Variants in PLCL1 observed in about 807,000 individuals in gnomAD.
PLCL1 encodes the protein inactive phospholipase C-like protein 1.
In PLCL1, 41 loss-of-function variants were observed where a neutral mutation model predicts 84.4. The observed-to-expected ratio is 0.49, with a 90% CI of 0.38 to 0.63. PLCL1 has a LOEUF of 0.63. Ranked by LOEUF, PLCL1 falls within the 30% of genes least tolerant of loss-of-function variation. The pLI is 0.00. For missense variants in PLCL1, 1,206 were observed against 1,367.8 expected, an observed-to-expected ratio of 0.88 and a Z score of 1.87; for synonymous variants, 490 against 488.3, an observed-to-expected ratio of 1.00 and a Z score of -0.05.
At chr2:197,989,694 ACT>A (rs1241255056) in intron 1 of PLCL1, among the ~76,000 whole-genome samples, 1 of 152,080 alleles carries the variant, frequency 6.6e-6, no homozygotes, top group African/African-American at 2.4e-5. Context: ...ACAGAGTGAG[ACT>A]CTGTCTCAAA....
chr2:197,835,998 T>C (rs1407814730), intron 1 of PLCL1, among the ~76,000 whole-genome samples: 4 of 152,090 alleles, frequency 2.6e-5, no homozygotes, highest in Non-Finnish European at 5.9e-5. Flanking sequence ...CCTTGGAGAG[T>C]AGAAATCACA....
At chr2:197,958,776 G>A (rs2105787730) in intron 1 of PLCL1, among the ~76,000 whole-genome samples, 1 of 152,032 alleles carries the variant, frequency 6.6e-6, no homozygotes, top group East Asian at 1.9e-4. Context: ...GAGATAATGT[G>A]AGCTGTGAAA....
In PLCL1 at chr2:197,944,763, C is replaced by G. The variant is rs147575951; in HGVS notation, c.241-138995C>G. On this transcript the variant is annotated intron_variant, in intron 1 of 5. Coordinates refer to ENST00000428675, the MANE Select transcript of PLCL1 (RefSeq NM_006226.4). Reference sequence around the variant, plus strand: ...CTTTAGCTTCTAAAGTATCCAGTATCTCAATTTCTTAAACATTTCCAGGGA... The same window carrying G: ...CTTTAGCTTCTAAAGTATCCAGTATGTCAATTTCTTAAACATTTCCAGGGA... Among the ~76,000 whole-genome samples the G allele has an allele frequency of 1.4e-3, 208 of 152,258 alleles. 1 individual carries two copies. The highest frequency in any genetic ancestry group is 4.4e-3 in the African/African-American group (183 of 41,548).
chr2:197,987,717 T>C (rs935376433), intron 1 of PLCL1, among the ~76,000 whole-genome samples: 7 of 152,212 alleles, frequency 4.6e-5, no homozygotes, highest in African/African-American at 1.4e-4. Flanking sequence ...GGAATAGTAA[T>C]TAGAAATGCC....
chr2:198,057,771 G>A (rs1456989226), intron 1 of PLCL1, among the ~76,000 whole-genome samples: 1 of 152,162 alleles, frequency 6.6e-6, no homozygotes, highest in African/African-American at 2.4e-5. Context: ...AGCTAGGCGT[G>A]GCGAGAAATA....
At chr2:197,836,656 T>A (rs1691197567) in intron 1 of PLCL1, among the ~76,000 whole-genome samples, 1 of 152,204 alleles carries the variant, frequency 6.6e-6, no homozygotes, top group South Asian at 2.1e-4. Flanking sequence ...TGCAAATTAA[T>A]GAAATTCCTA....
Position 197,992,043 on chromosome 2 carries a change from A to ATT in PLCL1, c.241-91704_241-91703dup, listed in dbSNP as rs112631242. On this transcript the variant is annotated intron_variant, in intron 1 of 5. Coordinates refer to ENST00000428675, the MANE Select transcript of PLCL1 (RefSeq NM_006226.4). ...GCCCCTTGCTTGCTTCTCAGCATTC[A>ATT]TTTTTTTTTTTTATGATTAGCAAGA... 6.3e-4 allele frequency among the ~76,000 whole-genome samples: 90 copies of ATT among 142,136 alleles called. 2 individuals are homozygous for ATT. In the South Asian group the frequency reaches 0.014, roughly 22 times the overall value. The allele number at this position is 142,136 out of a possible 152,430, so 93.2% of individuals were successfully genotyped here.
intron 1 of PLCL1, among the ~76,000 whole-genome samples, chr2:197,812,654 A>G (rs1366311317): frequency 6.6e-6 from 1 of 152,232 alleles, no homozygotes; most frequent in Non-Finnish European, 1.5e-5. Context: ...GGCAATATGT[A>G]TAAGCAGGCA....
chr2:198,064,100 G>A (rs193203155), intron 1 of PLCL1, among the ~76,000 whole-genome samples: 191 of 152,320 alleles, frequency 1.3e-3, no homozygotes, highest in Middle Eastern at 0.01. Context: ...CATGGTGGCA[G>A]GTACTGGGGA....
chr2:197,911,321 A>G (rs1688479871), intron 1 of PLCL1, among the ~76,000 whole-genome samples: 1 of 152,108 alleles, frequency 6.6e-6, no homozygotes, highest in Non-Finnish European at 1.5e-5. Context: ...TGGGTGACAG[A>G]GTGTGACCCT....
intron 1 of PLCL1, among the ~76,000 whole-genome samples, chr2:197,959,796 A>G (rs1689572493): frequency 6.6e-6 from 1 of 152,128 alleles, no homozygotes; most frequent in Admixed American, 6.6e-5. Flanking sequence ...ACAACAGTGT[A>G]GCTGAGCCAC....
chr2:198,052,449 C>T (rs1691958654), intron 1 of PLCL1, among the ~76,000 whole-genome samples: 1 of 151,266 alleles, frequency 6.6e-6, no homozygotes, highest in Non-Finnish European at 1.5e-5. Flanking sequence ...AAATGGGACT[C>T]TTTGGTGGTC....
At position 197,872,748 on chromosome 2, in the gene PLCL1, A is replaced by ATAT. The variant is rs552446012; in HGVS notation, c.240+67420_240+67422dup. The stretch of plus-strand genomic sequence containing the variant: ...TATTTTTGTGATTACAATTGTAATT[A>ATAT]TATTATTATTATTTGTTTAAAATGC... On this transcript the variant is annotated intron_variant, in intron 1 of 5. Coordinates refer to ENST00000428675, the MANE Select transcript of PLCL1 (RefSeq NM_006226.4). Among the ~76,000 whole-genome samples the ATAT allele has an allele frequency of 5.5e-3, 843 of 152,274 alleles. 5 individuals are homozygous for ATAT. Among genetic ancestry groups the ATAT allele is most frequent in the African/African-American group, 0.019 (808 of 41,552 alleles).
intron 1 of PLCL1, among the ~76,000 whole-genome samples, chr2:197,998,166 A>G (rs1252645428): frequency 1.6e-5 from 2 of 124,642 alleles, no homozygotes; most frequent in East Asian, 2.2e-4. Context: ...CCTTGAGAAG[A>G]ATGGAGCTAT....
chr2:198,096,529 T>C (rs1305775217), intron 3 of PLCL1, among the ~76,000 whole-genome samples: 1 of 152,174 alleles, frequency 6.6e-6, no homozygotes, highest in African/African-American at 2.4e-5. Context: ...ATCTTAAATA[T>C]ATCATTCTGA....
intron 1 of PLCL1, among the ~76,000 whole-genome samples, chr2:197,971,711 C>T (rs2105797834): frequency 6.6e-6 from 1 of 152,266 alleles, no homozygotes; most frequent in African/African-American, 2.4e-5. Context: ...GTGATTCTTT[C>T]TCTGTATGGT....
intron 3 of PLCL1, among the ~76,000 whole-genome samples, chr2:198,095,339 C>T (rs186696493): frequency 2.6e-4 from 39 of 152,226 alleles, no homozygotes; most frequent in Admixed American, 1.9e-3. Flanking sequence ...ACAGAGTCAT[C>T]GTCTTTTAAG....
intron 1 of PLCL1, among the ~76,000 whole-genome samples, chr2:197,896,691 A>T (rs1445197844): frequency 6.6e-6 from 1 of 152,066 alleles, no homozygotes; most frequent in Non-Finnish European, 1.5e-5. Context: ...ATAAGCCACC[A>T]GTTTTGCTGC....
rs1021290164 is a variant in PLCL1, at chr2:197,867,219, G to A, written c.240+61880G>A. Among the ~76,000 whole-genome samples, 3 of 152,124 alleles carry A rather than the reference G, an allele frequency of 2.0e-5. No individual in the cohort carries two copies. In the East Asian group the frequency reaches 5.8e-4, roughly 29 times the overall value. On this transcript the variant is annotated intron_variant, in intron 1 of 5. Transcript: ENST00000428675. Reference sequence around the variant, plus strand: ...CTTTTACTTTTGCATGTCCTTCCTGGCCTGACTGATGTGGGCGGTGATCTC... The same window carrying A: ...CTTTTACTTTTGCATGTCCTTCCTGACCTGACTGATGTGGGCGGTGATCTC...
Sources: gnomAD v4.1 joint callset for allele counts (sites outside exome capture counted in the v4.1 genomes callset) on GRCh38, gnomAD v4.1.1 for gene constraint, MANE v1.5 for transcripts, NCBI Gene and HGNC (gene_info 2026-07-23, HGNC 2026-07-21) for gene names.